The following LMX1B variants were observed in gnomAD, a reference collection of about 807,000 sequenced individuals.
The protein encoded by LMX1B is LIM homeobox transcription factor 1-beta.
LMX1B carries 12 observed loss-of-function variants against 51.4 expected under a neutral mutation model. The observed-to-expected ratio is 0.23, with a 90% CI of 0.15 to 0.38. LMX1B has a LOEUF of 0.38. Ranked by LOEUF, LMX1B falls within the 10% of genes least tolerant of loss-of-function variation. The pLI, the probability that LMX1B is intolerant of heterozygous loss-of-function variation, is 1.00. For synonymous variants in LMX1B, 237 were observed against 235.4 expected (o/e 1.01, Z -0.06); for missense variants, 445 against 571.1 (o/e 0.78, Z 2.25).
intron 2 of LMX1B, among the ~76,000 whole-genome samples, chr9:126,639,443 T>A (rs1217691784): frequency 6.6e-6 from 1 of 152,250 alleles, no homozygotes; most frequent in African/African-American, 2.4e-5. Context: ...CTGGAGGGTC[T>A]CACCCTAAGC....
chr9:126,671,278 A>T lies in LMX1B; in HGVS notation c.327-19558A>T, dbSNP rs914399344. ...ATTTCTTGAGATGCTTTAATTTTTT[A>T]AAAGCCCCACGTAGATGCTTTGCAT... On this transcript the variant is annotated intron_variant, in intron 2 of 7. Coordinates refer to ENST00000373474, the MANE Select transcript of LMX1B (RefSeq NM_001174147.2). This position sits in a 1 kb window ranked among gnomAD's most constrained non-coding sequence, Gnocchi z 4.4. 2.6e-5 allele frequency among the ~76,000 whole-genome samples: 4 copies of T among 152,144 alleles called. No individual in the cohort carries two copies. The highest frequency in any genetic ancestry group is 4.4e-5 in the Non-Finnish European group (3 of 68,012).
At chr9:126,664,215 G>A (rs751450004) in intron 2 of LMX1B, among the ~76,000 whole-genome samples, 3 of 152,172 alleles carry the variant, frequency 2.0e-5, no homozygotes, top group East Asian at 1.9e-4. Context: ...AAGGGGAGCC[G>A]CGCCATACTC....
intron 7 of LMX1B, 38 bp downstream of exon 7, chr9:126,696,041 G>GCCCCTGC: frequency 1.2e-6 from 1 of 842,654 alleles, no homozygotes; most frequent in Non-Finnish European, 1.4e-6. Context: ...CCCCAGCACA[G>GCCCCTGC]CCCCTGCCCC....
rs867915378 is a variant in LMX1B, at chr9:126,677,763, C to G, written c.327-13073C>G. On this transcript the variant is annotated intron_variant, in intron 2 of 7. Coordinates refer to ENST00000373474, the MANE Select transcript of LMX1B (RefSeq NM_001174147.2). The surrounding 1 kb of genome is among the most constrained non-coding windows in gnomAD (Gnocchi z 5.0). ...CATTCACAGCCTGCGTTCAAACATT[C>G]GAGCAGGAGCACAGGGCATGTACTC... 6.6e-6 allele frequency among the ~76,000 whole-genome samples: 1 copy of G among 152,166 alleles called. No individual in the cohort carries two copies. Among genetic ancestry groups the G allele is most frequent in the Non-Finnish European group, 1.5e-5 (1 of 68,042 alleles).
chr9:126,653,581 A>T (rs369918451), intron 2 of LMX1B, among the ~76,000 whole-genome samples: 1 of 152,194 alleles, frequency 6.6e-6, no homozygotes, highest in East Asian at 1.9e-4. Flanking sequence ...ACAACATCAC[A>T]GCTAGGACGT....
chr9:126,664,963 C>T (rs1373184313), intron 2 of LMX1B, among the ~76,000 whole-genome samples: 1 of 152,228 alleles, frequency 6.6e-6, no homozygotes, highest in Non-Finnish European at 1.5e-5. Flanking sequence ...TCTCTACCTA[C>T]GAAGTTGGGA....
intron 2 of LMX1B, among the ~76,000 whole-genome samples, chr9:126,655,618 T>TA (rs1234324847): frequency 1.3e-5 from 2 of 152,146 alleles, no homozygotes; most frequent in African/African-American, 4.8e-5. Context: ...TAGTAGGGGC[T>TA]AAAAAAAGTG....
intron 2 of LMX1B, among the ~76,000 whole-genome samples, chr9:126,621,652 CTTCTTTTTT>C (rs1236372073): frequency 1.5e-4 from 15 of 100,320 alleles, no homozygotes; most frequent in African/African-American, 5.6e-4. Flanking sequence ...CTCTCTCTCT[CTTCTTTTTT>C]TTTTTTTTTT....
intron 2 of LMX1B, among the ~76,000 whole-genome samples, chr9:126,675,962 T>A (rs1836549961): frequency 1.4e-5 from 2 of 142,700 alleles, no homozygotes; most frequent in African/African-American, 5.3e-5. Flanking sequence ...GGCAGGAGAA[T>A]GGCGTGAACC....
chr9:126,633,912 C>T (rs561977408), intron 2 of LMX1B, among the ~76,000 whole-genome samples: 63 of 152,200 alleles, frequency 4.1e-4, no homozygotes, highest in African/African-American at 8.9e-4. Context: ...AAGGGGTAGT[C>T]GGCAGTCCAA....
chr9:126,700,740 AC>A lies in LMX1B; in HGVS notation c.*4293del, dbSNP rs1289600692. 2.6e-5 allele frequency: 4 copies of A among 151,952 alleles called. No homozygotes were observed. Among genetic ancestry groups the A allele is most frequent in the Non-Finnish European group, 4.4e-5 (3 of 67,986 alleles). The allele number at this position is 151,952 out of a possible 1,614,324, so 9.4% of individuals were successfully genotyped here. ...ATGAGCCTCTTTGCTGGTTCCCCCG[AC>A]CCCACCTGGGGGTCCCATGGGAGCC... On this transcript the variant is annotated 3_prime_UTR_variant, in exon 8 of 8. Transcript: ENST00000373474.
At chr9:126,692,561 A>G (rs2030168422) in intron 3 of LMX1B, among the ~76,000 whole-genome samples, 1 of 152,142 alleles carries the variant, frequency 6.6e-6, no homozygotes, top group African/African-American at 2.4e-5. Flanking sequence ...GTGTGTGAAT[A>G]CGCCTGTGAG....
In LMX1B at chr9:126,699,507, C is replaced by G. The variant is rs778334906; in HGVS notation, c.*3056C>G. 6.6e-6 allele frequency: 1 copy of G among 152,300 alleles called. No individual in the cohort carries two copies. Among genetic ancestry groups the G allele is most frequent in the African/African-American group, 2.4e-5 (1 of 41,452 alleles). The allele number at this position is 152,300 out of a possible 1,614,324, so 9.4% of individuals were successfully genotyped here. On this transcript the variant is annotated 3_prime_UTR_variant, in exon 8 of 8. Coordinates refer to ENST00000373474, the MANE Select transcript of LMX1B (RefSeq NM_001174147.2). The stretch of plus-strand genomic sequence containing the variant: ...AAGGGACCTCAGAGAGTCCCTTATG[C>G]TGGAGGCGCCCTGTCAGCCGTGGCT...
chr9:126,664,178 G>A (rs887802133), intron 2 of LMX1B, among the ~76,000 whole-genome samples: 2 of 152,198 alleles, frequency 1.3e-5, no homozygotes, highest in African/African-American at 4.8e-5. Context: ...CCAGGTCTGA[G>A]GCTGTCGGGG....
At position 126,626,871 on chromosome 9, in the gene LMX1B, C is replaced by G. The variant is rs1835543927; in HGVS notation, c.326+11302C>G. On this transcript the variant is annotated intron_variant, in intron 2 of 7. Transcript: ENST00000373474. The surrounding 1 kb of genome is among the most constrained non-coding windows in gnomAD (Gnocchi z 4.3). ...CGGGAACCGGCCGAGTTCAGAGGGA[C>G]AGTGGGCCGAAGGGCGGCCTAAGAC... Among the ~76,000 whole-genome samples, 1 of 152,168 alleles carries G rather than the reference C, an allele frequency of 6.6e-6. No individual in the cohort carries two copies. Among genetic ancestry groups the G allele is most frequent in the Non-Finnish European group, 1.5e-5 (1 of 68,040 alleles).
rs1295382242 is a variant in LMX1B, at chr9:126,614,325, G to A, written c.-125G>A. The A allele has an allele frequency of 6.8e-6, 4 of 586,822 alleles. No homozygotes were observed. In the Admixed American group the frequency reaches 1.9e-4, roughly 28 times the overall value. The allele number at this position is 586,822 out of a possible 1,614,324, so 36.4% of individuals were successfully genotyped here. On this transcript the variant is annotated 5_prime_UTR_variant, in exon 1 of 8. Transcript: ENST00000373474. Reference sequence around the variant, plus strand: ...CGCCGCTCCACGATCGCCGGGGGCCGGCGCAACCCCTGCCCTGCGGGGGCC... The same window carrying A: ...CGCCGCTCCACGATCGCCGGGGGCCAGCGCAACCCCTGCCCTGCGGGGGCC...
rs1374949574 is a variant in LMX1B at position 126,625,716 on chromosome 9, G to A, written c.326+10147G>A. Among the ~76,000 whole-genome samples the A allele has an allele frequency of 6.6e-6, 1 of 152,180 alleles. No individual in the cohort carries two copies. The highest frequency in any genetic ancestry group is 1.5e-5 in the Non-Finnish European group (1 of 68,032). Reference sequence around the variant, plus strand: ...CTTTCTCGCCACCTCCGCCGCCGCCGCCGCCACCCTCGTCCCACCGTTTGC... The same window carrying A: ...CTTTCTCGCCACCTCCGCCGCCGCCACCGCCACCCTCGTCCCACCGTTTGC... On this transcript the variant is annotated intron_variant, in intron 2 of 7. Coordinates refer to ENST00000373474, the MANE Select transcript of LMX1B (RefSeq NM_001174147.2). This position sits in a 1 kb window ranked among gnomAD's most constrained non-coding sequence, Gnocchi z 5.3.
chr9:126,664,552 T>C (rs1252757165), intron 2 of LMX1B, among the ~76,000 whole-genome samples: 1 of 152,226 alleles, frequency 6.6e-6, no homozygotes, highest in African/African-American at 2.4e-5. Context: ...GTCACAGAGA[T>C]AGCGCATGGC....
intron 2 of LMX1B, among the ~76,000 whole-genome samples, chr9:126,681,015 G>A (rs972955325): frequency 4.6e-5 from 7 of 152,124 alleles, no homozygotes; most frequent in Admixed American, 4.6e-4. Flanking sequence ...GAGGGCTCCT[G>A]CCTGTCACCA....
Sources: gnomAD v4.1 joint callset for allele counts (sites outside exome capture counted in the v4.1 genomes callset) on GRCh38, gnomAD v4.1.1 for gene constraint, Gnocchi (gnomAD v3.1) non-coding constraint, MANE v1.5 for transcripts, NCBI Gene and HGNC (gene_info 2026-07-23, HGNC 2026-07-21) for gene names.